Variants in TTC29 observed in about 807,000 individuals in gnomAD.
The protein encoded by TTC29 is tetratricopeptide repeat protein 29.
TTC29 carries 49 observed loss-of-function variants against 58.1 expected under a neutral mutation model. That is an observed-to-expected ratio of 0.84 (90% CI 0.67 to 1.07). TTC29 has a LOEUF of 1.07. Ranked by LOEUF, TTC29 falls within the 50% of genes least tolerant of loss-of-function variation. TTC29 has a pLI of 0.00. For missense variants in TTC29, 582 were observed against 555.6 expected, an observed-to-expected ratio of 1.05 and a Z score of -0.48; for synonymous variants, 209 against 196.8, an observed-to-expected ratio of 1.06 and a Z score of -0.52.
chr4:146,740,783 G>C (rs1489230634), intron 11 of TTC29, among the ~76,000 whole-genome samples: 2 of 152,094 alleles, frequency 1.3e-5, no homozygotes, highest in African/African-American at 4.8e-5. Flanking sequence ...TGAGTGCAGT[G>C]TGGTGGCTTG....
intron 11 of TTC29, among the ~76,000 whole-genome samples, chr4:146,771,661 T>C (rs991989465): frequency 3.3e-5 from 5 of 152,150 alleles, no homozygotes; most frequent in Non-Finnish European, 7.3e-5. Flanking sequence ...AGTCTACCAT[T>C]TGATAGGCAT....
chr4:146,775,427 G>A (rs1413630252), intron 11 of TTC29, among the ~76,000 whole-genome samples: 1 of 152,050 alleles, frequency 6.6e-6, no homozygotes, highest in Non-Finnish European at 1.5e-5. Context: ...AGGACCTCTT[G>A]TAAGGCAGGT....
At chr4:146,829,504 G>A (rs1383253134) in intron 9 of TTC29, among the ~76,000 whole-genome samples, 1 of 152,200 alleles carries the variant, frequency 6.6e-6, no homozygotes, top group Non-Finnish European at 1.5e-5. Context: ...AATGGGATCA[G>A]TGACAGGAGA....
At chr4:146,935,623 C>T (rs569259350) in intron 4 of TTC29, among the ~76,000 whole-genome samples, 5 of 152,262 alleles carry the variant, frequency 3.3e-5, no homozygotes, top group East Asian at 3.9e-4. Context: ...CTGCACCTCA[C>T]GGTACAGCCG....
intron 9 of TTC29, among the ~76,000 whole-genome samples, chr4:146,821,071 G>T (rs1751784463): frequency 6.6e-6 from 1 of 151,048 alleles, no homozygotes; most frequent in African/African-American, 2.4e-5. Context: ...CAACATGGAT[G>T]AAACTTGAAA....
intron 6 of TTC29, among the ~76,000 whole-genome samples, chr4:146,900,189 A>G (rs1287445258): frequency 6.6e-6 from 1 of 152,184 alleles, no homozygotes; most frequent in Non-Finnish European, 1.5e-5. Context: ...TAGAGTTTTC[A>G]TCAACACTGA....
intron 11 of TTC29, among the ~76,000 whole-genome samples, chr4:146,753,391 G>A (rs1345370445): frequency 1.3e-5 from 2 of 152,148 alleles, no homozygotes; most frequent in Non-Finnish European, 2.9e-5. Flanking sequence ...TCATTAAAAC[G>A]TCAGGAAACA....
intron 11 of TTC29, among the ~76,000 whole-genome samples, chr4:146,751,372 A>T (rs1481821190): frequency 2.0e-5 from 3 of 152,244 alleles, no homozygotes; most frequent in Admixed American, 2.0e-4. Context: ...ACTTACAAAC[A>T]TATACAGAAC....
intron 6 of TTC29, among the ~76,000 whole-genome samples, chr4:146,879,068 C>T (rs1731456187): frequency 6.6e-6 from 1 of 152,114 alleles, no homozygotes; most frequent in Admixed American, 6.6e-5. Context: ...CAGTCCTTCT[C>T]ATATGTAGGG....
intron 11 of TTC29, among the ~76,000 whole-genome samples, chr4:146,802,731 T>C (rs187481528): frequency 2.0e-5 from 3 of 152,348 alleles, no homozygotes; most frequent in East Asian, 1.9e-4. Flanking sequence ...CAAAATATTT[T>C]ACTTTAAAAA....
intron 9 of TTC29, among the ~76,000 whole-genome samples, chr4:146,827,996 C>T (rs1727919304): frequency 6.6e-6 from 1 of 152,120 alleles, no homozygotes; most frequent in Admixed American, 6.5e-5. Flanking sequence ...GTATCAGGTA[C>T]TATCAAATAC....
rs191806320 is a variant in TTC29 at position 146,867,230 on chromosome 4, G to T, written c.885+268C>A. 2.1e-3 allele frequency among the ~76,000 whole-genome samples: 316 copies of T among 152,140 alleles called. 3 individuals carry two copies. Among genetic ancestry groups the T allele is most frequent in the Non-Finnish European group, 6.0e-4 (41 of 67,978 alleles). On this transcript the variant is annotated intron_variant, in intron 8 of 12. Coordinates refer to ENST00000325106, the MANE Select transcript of TTC29 (RefSeq NM_031956.4). ...TTGTCCTTGTTGATATGGGCATATG[G>T]AGGGCCATATTACTCTATTTATTTA... is the stretch of plus-strand genomic sequence containing the variant.
intron 4 of TTC29, among the ~76,000 whole-genome samples, chr4:146,925,635 C>T (rs1201042904): frequency 1.3e-5 from 2 of 152,096 alleles, no homozygotes; most frequent in African/African-American, 2.4e-5. Context: ...AAACCTTAAG[C>T]CAAACTAACT....
At chr4:146,933,498 T>C (rs928511486) in intron 4 of TTC29, among the ~76,000 whole-genome samples, 6 of 152,220 alleles carry the variant, frequency 3.9e-5, no homozygotes, top group Non-Finnish European at 8.8e-5. Context: ...TGCATTCTGA[T>C]AATATTATAC....
chr4:146,804,594 C>T (rs1402833130), intron 10 of TTC29, among the ~76,000 whole-genome samples: 3 of 152,126 alleles, frequency 2.0e-5, no homozygotes, highest in African/African-American at 7.2e-5. Context: ...CAGTTTTCCC[C>T]TCACAGTGTA....
intron 11 of TTC29, among the ~76,000 whole-genome samples, chr4:146,734,793 G>T (rs1004957346): frequency 2.0e-5 from 3 of 152,122 alleles, no homozygotes; most frequent in Non-Finnish European, 4.4e-5. Flanking sequence ...ATTGGTGGCA[G>T]TGATGGGATC....
At chr4:146,729,887 T>C (rs898612564) in intron 11 of TTC29, among the ~76,000 whole-genome samples, 1 of 151,944 alleles carries the variant, frequency 6.6e-6, no homozygotes, top group African/African-American at 2.4e-5. Flanking sequence ...CCTCCCACCA[T>C]GACCCTCCCT....
intron 6 of TTC29, among the ~76,000 whole-genome samples, chr4:146,884,756 C>T (rs1225136385): frequency 2.0e-5 from 3 of 152,014 alleles, no homozygotes; most frequent in African/African-American, 7.2e-5. Flanking sequence ...GATAGAGAAA[C>T]CTACAGAGAG....
rs115584293 is a variant in TTC29 at position 146,745,683 on chromosome 4, C to G, written c.1331-38132G>C. Among the ~76,000 whole-genome samples, 512 of 152,322 alleles carry G rather than the reference C, an allele frequency of 3.4e-3. 2 individuals are homozygous for G. Among genetic ancestry groups the G allele is most frequent in the African/African-American group, 0.012 (496 of 41,570 alleles). On this transcript the variant is annotated intron_variant, in intron 11 of 12. Transcript: ENST00000325106. ...GAAACCTCAGTTCTTCTGATACACA[C>G]TAATGTGCTCTTCTGACCACCCCAC...
Sources: gnomAD v4.1 joint callset for allele counts (sites outside exome capture counted in the v4.1 genomes callset) on GRCh38, gnomAD v4.1.1 for gene constraint, MANE v1.5 for transcripts, NCBI Gene and HGNC (gene_info 2026-07-23, HGNC 2026-07-21) for gene names.